FAM163A: variants seen among roughly 807,000 people sequenced by gnomAD.
FAM163A encodes family with sequence similarity 163 member A, also known as protein FAM163A.
Under a neutral mutation model 12.0 loss-of-function variants are expected in FAM163A, and 7 were observed. The ratio of observed to expected loss-of-function variants is 0.58; its 90% CI spans 0.33 to 1.10. FAM163A has a LOEUF of 1.10. Ranked by LOEUF, FAM163A falls within the 50% of genes least tolerant of loss-of-function variation. FAM163A has a pLI of 0.03. For synonymous variants in FAM163A, 101 were observed against 91.0 expected (o/e 1.11, Z -0.62); for missense variants, 202 against 218.6 (o/e 0.92, Z 0.48).
intron 1 of FAM163A, among the ~76,000 whole-genome samples, chr1:179,792,106 G>T (rs1192380961): frequency 1.3e-5 from 2 of 152,104 alleles, no homozygotes; most frequent in Non-Finnish European, 1.5e-5. Flanking sequence ...CAATCTCTCT[G>T]ATCTTCAGTT....
At chr1:179,790,029 C>T (rs1184205215) in intron 1 of FAM163A, among the ~76,000 whole-genome samples, 3 of 152,008 alleles carry the variant, frequency 2.0e-5, no homozygotes, top group African/African-American at 4.8e-5. Context: ...AAAGTGAATA[C>T]AGCAACATAC....
chr1:179,799,924 A>C (rs1486305181), intron 1 of FAM163A, among the ~76,000 whole-genome samples: 1 of 152,258 alleles, frequency 6.6e-6, no homozygotes, highest in African/African-American at 2.4e-5. Context: ...TGGAAGGATC[A>C]GAAAAGTCTG....
At chr1:179,766,837 C>T (rs190852801) in intron 1 of FAM163A, among the ~76,000 whole-genome samples, 5 of 152,084 alleles carry the variant, frequency 3.3e-5, no homozygotes, top group African/African-American at 4.8e-5. Flanking sequence ...CTCACTGCAA[C>T]CTCTGCCTCC....
At chr1:179,813,689 CA>C in intron 4 of FAM163A, 89 bp from the exon 5 acceptor site, 1 of 1,448,516 alleles carries the variant, frequency 6.9e-7, no homozygotes, top group Non-Finnish European at 9.4e-7. Flanking sequence ...CTCCATGGAG[CA>C]GGGGACAGGG....
At chr1:179,789,268 A>G (rs1379308395) in intron 1 of FAM163A, among the ~76,000 whole-genome samples, 1 of 151,726 alleles carries the variant, frequency 6.6e-6, no homozygotes, top group Admixed American at 6.6e-5. Context: ...TGCAACCTCC[A>G]CCTCCCAGGT....
chr1:179,811,092 C>T (rs557471576), intron 2 of FAM163A, among the ~76,000 whole-genome samples: 1 of 151,784 alleles, frequency 6.6e-6, no homozygotes, highest in Non-Finnish European at 1.5e-5. Flanking sequence ...ATCACGTAAG[C>T]GGAAGAAAGG....
chr1:179,776,590 AGT>A (rs1689017043), intron 1 of FAM163A, among the ~76,000 whole-genome samples: 1 of 152,028 alleles, frequency 6.6e-6, no homozygotes, highest in Non-Finnish European at 1.5e-5. Context: ...TAAGGAGGTA[AGT>A]GTGTGTGTAT....
rs964066302 is a variant in FAM163A at position 179,744,621 on chromosome 1, C to A, written c.-136+1198C>A. On this transcript the variant is annotated intron_variant, in intron 1 of 4. Transcript: ENST00000341785. ...CTTTCCTCTGAGTGGAACTGTGGGG[C>A]CCTGGAAGTTTGCTAGTCCTGGCAA... is the stretch of plus-strand genomic sequence containing the variant. 9.9e-5 allele frequency among the ~76,000 whole-genome samples: 15 copies of A among 152,184 alleles called. 1 individual carries two copies. Among genetic ancestry groups the A allele is most frequent in the Admixed American group, 4.6e-4 (7 of 15,284 alleles).
intron 1 of FAM163A, among the ~76,000 whole-genome samples, chr1:179,788,020 T>C (rs1361958100): frequency 6.6e-6 from 1 of 152,232 alleles, no homozygotes; most frequent in Non-Finnish European, 1.5e-5. Flanking sequence ...AACAAGTTAA[T>C]ATATGGGCTT....
At chr1:179,741,557 A>T (rs1004255699), upstream of FAM163A, among the ~76,000 whole-genome samples, 3 of 152,260 alleles carry the variant, frequency 2.0e-5, no homozygotes, top group African/African-American at 7.2e-5. Flanking sequence ...TGGACAAAGA[A>T]ATTGTGATAT....
the FAM163A span, among the ~76,000 whole-genome samples, chr1:179,735,803 G>T: frequency 6.6e-6 from 1 of 152,148 alleles, no homozygotes; most frequent in African/African-American, 2.4e-5. Flanking sequence ...GCCCCCAGCC[G>T]AAAGAGCTAC....
At chr1:179,730,766 T>G in the FAM163A span, among the ~76,000 whole-genome samples, 2 of 152,194 alleles carry the variant, frequency 1.3e-5, no homozygotes, top group African/African-American at 4.8e-5. Flanking sequence ...AGGTTCTTTT[T>G]GTGAAAAAAG....
At chr1:179,798,498 CT>C (rs1160906439) in intron 1 of FAM163A, among the ~76,000 whole-genome samples, 1 of 152,262 alleles carries the variant, frequency 6.6e-6, no homozygotes, top group Non-Finnish European at 1.5e-5. Context: ...CCTACTGCCG[CT>C]TTCACCTTAT....
At chr1:179,795,958 C>CTAT (rs56872344) in intron 1 of FAM163A, among the ~76,000 whole-genome samples, 61 of 146,382 alleles carry the variant, frequency 4.2e-4, no homozygotes, top group African/African-American at 7.0e-4. Context: ...GAGTCTTTCT[C>CTAT]TATTATTATT....
chr1:179,739,088 C>A (rs1485612764), upstream of FAM163A, among the ~76,000 whole-genome samples: 1 of 151,986 alleles, frequency 6.6e-6, no homozygotes, highest in African/African-American at 2.4e-5. Context: ...GCCAGAGCAA[C>A]TGGACCTTAT....
the FAM163A span, among the ~76,000 whole-genome samples, chr1:179,735,649 G>A: frequency 6.6e-6 from 1 of 151,662 alleles, no homozygotes; most frequent in African/African-American, 2.4e-5. Flanking sequence ...GACTACAGGC[G>A]CCCGCCACCA....
chr1:179,774,109 T>C (rs1342100207), intron 1 of FAM163A, among the ~76,000 whole-genome samples: 4 of 152,196 alleles, frequency 2.6e-5, no homozygotes, highest in African/African-American at 9.7e-5. Context: ...ACCAGCTGCT[T>C]TCTCACCCCT....
chr1:179,798,669 G>A (rs1692730914), intron 1 of FAM163A, among the ~76,000 whole-genome samples: 1 of 152,308 alleles, frequency 6.6e-6, no homozygotes, highest in Non-Finnish European at 1.5e-5. Context: ...GCCTTAGTCT[G>A]GCCCAGTCAG....
intron 1 of FAM163A, among the ~76,000 whole-genome samples, chr1:179,802,043 C>T (rs1044496101): frequency 1.3e-5 from 2 of 152,164 alleles, no homozygotes; most frequent in Non-Finnish European, 2.9e-5. Context: ...GTGAAAGCCT[C>T]CTTTCTTTTC....
Sources: gnomAD v4.1 joint callset for allele counts (sites outside exome capture counted in the v4.1 genomes callset) on GRCh38, gnomAD v4.1.1 for gene constraint, MANE v1.5 for transcripts, NCBI Gene and HGNC (gene_info 2026-07-23, HGNC 2026-07-21) for gene names.